LRMDA: variants seen among roughly 807,000 people sequenced by gnomAD.
The protein encoded by LRMDA is leucine-rich melanocyte differentiation-associated protein.
In LRMDA, 18 loss-of-function variants were observed where a neutral mutation model predicts 29.8. The ratio of observed to expected loss-of-function variants is 0.60; its 90% CI spans 0.42 to 0.90. The LOEUF (loss-of-function observed/expected upper bound fraction) is 0.90, where lower values mean the gene tolerates loss of function less well. LRMDA is among the 40% of genes least tolerant of loss of function. LRMDA has a pLI of 0.00. For synonymous variants in LRMDA, 125 were observed against 109.4 expected (o/e 1.14, Z -0.89); for missense variants, 273 against 273.9 (o/e 1.00, Z 0.02).
chr10:75,740,365 G>A (rs913080578), intron 2 of LRMDA, among the ~76,000 whole-genome samples: 18 of 152,162 alleles, frequency 1.2e-4, no homozygotes, highest in African/African-American at 3.9e-4. Context: ...GGCATCACTG[G>A]TCATCACAGG....
chr10:75,844,225 A>C (rs531131694), intron 2 of LRMDA, among the ~76,000 whole-genome samples: 1 of 152,302 alleles, frequency 6.6e-6, no homozygotes, highest in South Asian at 2.1e-4. Context: ...AAATCCATCC[A>C]TGTCAGAGCA....
intron 2 of LRMDA, among the ~76,000 whole-genome samples, chr10:75,578,875 A>G (rs1404718473): frequency 1.3e-5 from 2 of 152,198 alleles, no homozygotes; most frequent in African/African-American, 4.8e-5. Flanking sequence ...AATGAAAACA[A>G]AGACACAGCA....
At chr10:75,726,597 G>C (rs1348308710) in intron 2 of LRMDA, among the ~76,000 whole-genome samples, 1 of 152,152 alleles carries the variant, frequency 6.6e-6, no homozygotes, top group Non-Finnish European at 1.5e-5. Context: ...CTACTGGGAG[G>C]GAAGCACTCA....
chr10:76,069,754 C>G (rs1051804609), intron 5 of LRMDA, among the ~76,000 whole-genome samples: 1 of 151,916 alleles, frequency 6.6e-6, no homozygotes, highest in Non-Finnish European at 1.5e-5. Flanking sequence ...GGCTCGGTGA[C>G]CTGTCACGTA....
intron 2 of LRMDA, among the ~76,000 whole-genome samples, chr10:75,874,132 A>T (rs1418492307): frequency 6.6e-6 from 1 of 152,320 alleles, no homozygotes; most frequent in Non-Finnish European, 1.5e-5. Flanking sequence ...AGAGGCTTCA[A>T]TGAAGGGTAC....
Position 75,563,602 on chromosome 10 carries a change from C to T in LRMDA, c.131+125108C>T, listed in dbSNP as rs569749833. On this transcript the variant is annotated intron_variant, in intron 2 of 6. Transcript: ENST00000611255. Reference sequence around the variant, plus strand: ...CTGAGTTGCTTTGGAGGAGGAGAGGCGCTCTGCTTTTTAGAGTTTCCAGTT... The same window carrying T: ...CTGAGTTGCTTTGGAGGAGGAGAGGTGCTCTGCTTTTTAGAGTTTCCAGTT... 3.3e-4 allele frequency among the ~76,000 whole-genome samples: 51 copies of T among 152,246 alleles called. 1 individual carries two copies. The highest frequency in any genetic ancestry group is 6.2e-4 in the Non-Finnish European group (42 of 68,024).
intron 2 of LRMDA, among the ~76,000 whole-genome samples, chr10:75,902,590 G>T (rs868125553): frequency 5.1e-4 from 78 of 151,970 alleles, no homozygotes; most frequent in African/African-American, 1.9e-3. Context: ...ACACTCACTT[G>T]GCACTGACTG....
intron 2 of LRMDA, among the ~76,000 whole-genome samples, chr10:76,004,143 G>A (rs1847607498): frequency 6.6e-6 from 1 of 152,168 alleles, no homozygotes; most frequent in South Asian, 2.1e-4. Context: ...GTTACTAGTT[G>A]CACATTTAGC....
At chr10:75,994,131 A>G (rs759768368) in intron 2 of LRMDA, among the ~76,000 whole-genome samples, 9 of 152,212 alleles carry the variant, frequency 5.9e-5, no homozygotes, top group South Asian at 2.1e-4. Context: ...ATGACAGAAG[A>G]TGAATGTGTT....
intron 2 of LRMDA, among the ~76,000 whole-genome samples, chr10:75,801,984 C>T (rs1276521144): frequency 6.6e-6 from 1 of 152,044 alleles, no homozygotes; most frequent in Non-Finnish European, 1.5e-5. Context: ...TCCTTCTTGC[C>T]TTGGCAGGGG....
chr10:75,532,187 T>C (rs935916159), intron 2 of LRMDA, among the ~76,000 whole-genome samples: 1 of 152,194 alleles, frequency 6.6e-6, no homozygotes, highest in African/African-American at 2.4e-5. Context: ...GCTGTCTTCA[T>C]TATTTTCCTA....
chr10:75,667,201 C>CT (rs1267847292), intron 2 of LRMDA, among the ~76,000 whole-genome samples: 3 of 136,032 alleles, frequency 2.2e-5, no homozygotes, highest in Non-Finnish European at 4.8e-5. Flanking sequence ...GGTATTTGTC[C>CT]TTTTCTAATG....
intron 5 of LRMDA, among the ~76,000 whole-genome samples, chr10:76,139,346 A>T (rs1257162189): frequency 1.3e-5 from 2 of 152,076 alleles, no homozygotes; most frequent in African/African-American, 4.8e-5. Context: ...TTAGTTAAAA[A>T]TTTTTTGCAT....
chr10:76,465,267 A>T (rs1842553089), intron 6 of LRMDA, among the ~76,000 whole-genome samples: 1 of 152,194 alleles, frequency 6.6e-6, no homozygotes, highest in African/African-American at 2.4e-5. Flanking sequence ...GCTCCAAGAA[A>T]TAAAAGATTC....
intron 2 of LRMDA, among the ~76,000 whole-genome samples, chr10:75,956,896 C>T (rs552255786): frequency 1.3e-5 from 2 of 152,314 alleles, no homozygotes; most frequent in African/African-American, 4.8e-5. Context: ...TCTAACTGGG[C>T]TACCGTGGAC....
At chr10:75,958,137 T>G (rs2132426173) in intron 2 of LRMDA, among the ~76,000 whole-genome samples, 1 of 152,142 alleles carries the variant, frequency 6.6e-6, no homozygotes, top group African/African-American at 2.4e-5. Context: ...GCTACTTATG[T>G]GAGGAGGAGA....
chr10:75,821,032 C>T (rs909091591), intron 2 of LRMDA, among the ~76,000 whole-genome samples: 1 of 152,114 alleles, frequency 6.6e-6, no homozygotes, highest in Non-Finnish European at 1.5e-5. Context: ...CCTCTAACAA[C>T]ATCAAAAAAA....
At chr10:76,174,730 G>A (rs953264094) in intron 5 of LRMDA, among the ~76,000 whole-genome samples, 4 of 152,170 alleles carry the variant, frequency 2.6e-5, no homozygotes, top group Admixed American at 1.3e-4. Context: ...TGGGACTAGC[G>A]GAAACAGAAT....
At chr10:75,645,653 G>C (rs147093608) in intron 2 of LRMDA, among the ~76,000 whole-genome samples, 1 of 152,256 alleles carries the variant, frequency 6.6e-6, no homozygotes, top group African/African-American at 2.4e-5. Context: ...TTGACTTAAG[G>C]GGTGGACGCA....
Sources: allele counts gnomAD v4.1 joint callset (sites outside exome capture counted in the v4.1 genomes callset), GRCh38; gene constraint gnomAD v4.1.1; transcripts MANE v1.5; gene names NCBI Gene and HGNC (gene_info 2026-07-23, HGNC 2026-07-21).